Variants in HSD17B3 observed in about 807,000 individuals in gnomAD.
HSD17B3 encodes the protein 17-beta-hydroxysteroid dehydrogenase type 3.
Under a neutral mutation model 41.1 loss-of-function variants are expected in HSD17B3, and 29 were observed. The ratio of observed to expected loss-of-function variants is 0.71; its 90% CI spans 0.53 to 0.96. The LOEUF is 0.96. Ranked by LOEUF, HSD17B3 falls within the 40% of genes least tolerant of loss-of-function variation. The pLI, the probability that HSD17B3 is intolerant of heterozygous loss-of-function variation, is 0.00. For missense variants in HSD17B3, 323 were observed against 374.6 expected (o/e 0.86, Z 1.14); for synonymous variants, 126 against 145.6 (o/e 0.87, Z 0.97).
At chr9:96,253,813 T>C (rs2026001) in intron 3 of HSD17B3, among the ~76,000 whole-genome samples, 1 of 151,990 alleles carries the variant, frequency 6.6e-6, no homozygotes, top group South Asian at 2.1e-4. Flanking sequence ...ATTTCAGCAT[T>C]GTGAGGCAAA....
intron 5 of HSD17B3, chr9:96,250,529 G>A (rs1331523997): frequency 1.0e-6 from 1 of 998,288 alleles, no homozygotes; most frequent in Non-Finnish European, 1.2e-6. Context: ...GTTCAGATTG[G>A]TGTAGCCCTA....
intron 6 of HSD17B3, among the ~76,000 whole-genome samples, chr9:96,247,860 C>G (rs1326933830): frequency 6.6e-6 from 1 of 152,136 alleles, no homozygotes; most frequent in Non-Finnish European, 1.5e-5. Context: ...CCCATCCCTG[C>G]CCCGAAAGAG....
intron 1 of HSD17B3, among the ~76,000 whole-genome samples, chr9:96,299,288 A>G (rs951259035): frequency 6.6e-6 from 1 of 152,238 alleles, no homozygotes; most frequent in African/African-American, 2.4e-5. Flanking sequence ...CCTGAGAGTG[A>G]GTGCAGGCCA....
At chr9:96,241,579 G>A (rs1387451292) in intron 9 of HSD17B3, among the ~76,000 whole-genome samples, 1 of 152,100 alleles carries the variant, frequency 6.6e-6, no homozygotes, top group Non-Finnish European at 1.5e-5. Flanking sequence ...ATTGTGGCCT[G>A]GCATGGGGAT....
At chr9:96,250,161 T>C in intron 5 of HSD17B3, 1 of 1,224,176 alleles carries the variant, frequency 8.2e-7, no homozygotes, top group East Asian at 3.5e-5. Flanking sequence ...AATGGTTGTA[T>C]AATATAAGGT....
At chr9:96,257,000 G>A (rs1825687604) in intron 2 of HSD17B3, among the ~76,000 whole-genome samples, 1 of 152,104 alleles carries the variant, frequency 6.6e-6, no homozygotes, top group African/African-American at 2.4e-5. Context: ...TTAGGAGTGT[G>A]TGGCACCTCC....
intron 2 of HSD17B3, among the ~76,000 whole-genome samples, chr9:96,278,250 G>A (rs115333227): frequency 2.3e-4 from 35 of 152,046 alleles, no homozygotes; most frequent in African/African-American, 2.9e-4. Context: ...TGTAAATCTC[G>A]TTTTCTCACC....
intron 1 of HSD17B3, 94 bp downstream of exon 1, chr9:96,301,857 G>C (rs1742796002): frequency 7.3e-7 from 1 of 1,366,750 alleles, no homozygotes. Context: ...CTCCAGCCTG[G>C]GTGACAGAGC....
At chr9:96,242,095 C>A (rs576429827) in intron 9 of HSD17B3, among the ~76,000 whole-genome samples, 2 of 151,378 alleles carry the variant, frequency 1.3e-5, no homozygotes, top group East Asian at 1.9e-4. Flanking sequence ...TTTGGAATTA[C>A]ATTATTTCAT....
chr9:96,298,488 A>G (rs752618911), intron 1 of HSD17B3, 26 bp from the exon 2 acceptor site: 39 of 1,601,646 alleles, frequency 2.4e-5, no homozygotes, highest in Non-Finnish European at 3.3e-5. Context: ...ATGCTTTTAA[A>G]AGACAGAATT....
intron 2 of HSD17B3, among the ~76,000 whole-genome samples, chr9:96,293,976 C>T (rs563042195): frequency 1.2e-4 from 18 of 152,214 alleles, no homozygotes; most frequent in African/African-American, 4.3e-4. Context: ...AGGCTTTTAC[C>T]CATTACAGTC....
intron 4 of HSD17B3, among the ~76,000 whole-genome samples, chr9:96,251,731 A>C (rs561707740): frequency 2.0e-5 from 3 of 152,354 alleles, no homozygotes; most frequent in Non-Finnish European, 1.5e-5. Flanking sequence ...ATGGGAGAAC[A>C]TGCATGATGT....
intron 2 of HSD17B3, among the ~76,000 whole-genome samples, chr9:96,287,755 C>T (rs949679079): frequency 1.3e-5 from 2 of 151,558 alleles, no homozygotes; most frequent in Non-Finnish European, 2.9e-5. Flanking sequence ...AAAAAGACAA[C>T]TTTACCTTGC....
intron 2 of HSD17B3, among the ~76,000 whole-genome samples, chr9:96,273,055 A>G (rs1328011407): frequency 1.3e-5 from 2 of 152,202 alleles, no homozygotes; most frequent in African/African-American, 4.8e-5. Context: ...CCCAGAAGGG[A>G]CTGGGAGGAA....
At chr9:96,264,987 G>A (rs902899127) in intron 2 of HSD17B3, among the ~76,000 whole-genome samples, 8 of 152,138 alleles carry the variant, frequency 5.3e-5, no homozygotes, top group African/African-American at 1.9e-4. Flanking sequence ...AAAAAAGCAA[G>A]CTGATGATTG....
intron 2 of HSD17B3, among the ~76,000 whole-genome samples, chr9:96,279,070 C>A (rs760948884): frequency 6.6e-6 from 1 of 152,182 alleles, no homozygotes; most frequent in African/African-American, 2.4e-5. Flanking sequence ...GGATGTGGGA[C>A]CAAATCACAG....
intron 2 of HSD17B3, among the ~76,000 whole-genome samples, chr9:96,297,409 C>T (rs1276160576): frequency 2.9e-5 from 4 of 136,540 alleles, no homozygotes; most frequent in Middle Eastern, 5.0e-3. Flanking sequence ...TGCAATGGTG[C>T]GATCTCAGCT....
chr9:96,264,145 TAAGTAA>T (rs1825960996), intron 2 of HSD17B3, among the ~76,000 whole-genome samples: 1 of 152,140 alleles, frequency 6.6e-6, no homozygotes. Context: ...TTAATTTAAA[TAAGTAA>T]AAGAATAGGC....
intron 2 of HSD17B3, among the ~76,000 whole-genome samples, chr9:96,289,877 G>A (rs146652953): frequency 6.6e-6 from 1 of 152,244 alleles, no homozygotes; most frequent in Non-Finnish European, 1.5e-5. Context: ...AGAATTCACT[G>A]CCGGGGCCCC....
Sources: allele counts gnomAD v4.1 joint callset (sites outside exome capture counted in the v4.1 genomes callset), GRCh38; gene constraint gnomAD v4.1.1; transcripts MANE v1.5; gene names NCBI Gene and HGNC (gene_info 2026-07-23, HGNC 2026-07-21).